Variants in DYNC2H1 observed in about 807,000 individuals in gnomAD.
The protein encoded by DYNC2H1 is dynein cytoplasmic 2 heavy chain 1, also known as cytoplasmic dynein 2 heavy chain 1.
A neutral mutation model predicts 570.0 loss-of-function variants in DYNC2H1; 410 were observed. The observed-to-expected ratio is 0.72, with a 90% confidence interval of 0.66 to 0.78. The LOEUF (loss-of-function observed/expected upper bound fraction) is 0.78, where lower values mean the gene tolerates loss of function less well. Among genes scored for constraint, DYNC2H1 ranks in the 30% least tolerant of loss-of-function variants. The pLI is 0.00. For missense variants in DYNC2H1, 4,865 were observed against 5,046.4 expected (o/e 0.96, Z 1.09); for synonymous variants, 1,688 against 1,677.6 (o/e 1.01, Z -0.15).
intron 11 of DYNC2H1, among the ~76,000 whole-genome samples, 173 bp downstream of exon 11, chr11:103,123,173 G>C (rs969541072): frequency 6.6e-6 from 1 of 151,992 alleles, no homozygotes; most frequent in Non-Finnish European, 1.5e-5. Flanking sequence ...TGGAAACTTT[G>C]ATGATTTAGT....
chr11:103,409,761 G>C (rs917668459), intron 84 of DYNC2H1: 2 of 153,688 alleles, frequency 1.3e-5, no homozygotes, highest in Non-Finnish European at 2.9e-5. Flanking sequence ...AGGTAGGTGT[G>C]CTCTTCAGCT....
chr11:103,371,011 C>T (rs1315083678), intron 83 of DYNC2H1, among the ~76,000 whole-genome samples: 1 of 151,994 alleles, frequency 6.6e-6, no homozygotes, highest in Middle Eastern at 3.2e-3. Context: ...AATATGGGAC[C>T]TTTCAGACAG....
chr11:103,175,730 G>A (rs964556839), intron 36 of DYNC2H1, among the ~76,000 whole-genome samples: 2 of 152,106 alleles, frequency 1.3e-5, no homozygotes, highest in African/African-American at 2.4e-5. Flanking sequence ...ACTGTGAGAC[G>A]ATATTGGTAT....
intron 17 of DYNC2H1, 83 bp downstream of exon 17, chr11:103,136,031 G>A: frequency 8.6e-7 from 1 of 1,163,896 alleles, no homozygotes. Context: ...TACATTAATA[G>A]TTTACCTTGT....
intron 81 of DYNC2H1, among the ~76,000 whole-genome samples, chr11:103,321,870 C>A (rs1232112466): frequency 1.3e-5 from 2 of 151,954 alleles, no homozygotes; most frequent in African/African-American, 4.8e-5. Context: ...GCAAATAATT[C>A]TTTATTAGAG....
intron 83 of DYNC2H1, among the ~76,000 whole-genome samples, chr11:103,398,136 T>C (rs1480818407): frequency 6.6e-6 from 1 of 152,172 alleles, no homozygotes; most frequent in Non-Finnish European, 1.5e-5. Flanking sequence ...CCACATATTA[T>C]TTACTTCCAG....
At chr11:103,384,514 T>A (rs1565547653) in intron 83 of DYNC2H1, among the ~76,000 whole-genome samples, 1 of 152,144 alleles carries the variant, frequency 6.6e-6, no homozygotes, top group Non-Finnish European at 1.5e-5. Flanking sequence ...TACTTTTTTT[T>A]ACTCATCTTC....
At chr11:103,273,734 A>G (rs1865798666) in intron 70 of DYNC2H1, among the ~76,000 whole-genome samples, 1 of 152,190 alleles carries the variant, frequency 6.6e-6, no homozygotes, top group Admixed American at 6.6e-5. Flanking sequence ...TAGAAAATTA[A>G]GGAAGAAGAT....
intron 77 of DYNC2H1, 102 bp downstream of exon 77, chr11:103,304,822 A>C: frequency 8.4e-7 from 1 of 1,196,380 alleles, no homozygotes; most frequent in Non-Finnish European, 1.1e-6. Flanking sequence ...TGATGATTTA[A>C]AAAGTAATAT....
chr11:103,156,576 C>A lies in DYNC2H1; in HGVS notation c.3933C>A (p.Ser1311=). ...GAGATAATAGATGCCTTCTCCAATC[C>A]TTAAAGGATTCTCCTTATTATAAAG... ...QVGDNRCLLQ[S]LKDSPYYKGF... is the part of the protein sequence containing the mutation. Residue 1311 remains serine, a synonymous_variant, in exon 26 of 89, where the codon TCC becomes TCA. Coordinates refer to ENST00000375735, the MANE Select transcript of DYNC2H1 (RefSeq NM_001377.3). The A allele has an allele frequency of 1.2e-6, 2 of 1,613,606 alleles. No homozygotes were observed. The highest frequency in any genetic ancestry group is 1.7e-6 in the Non-Finnish European group (2 of 1,179,690).
chr11:103,386,498 CTTTT>C lies in DYNC2H1; in HGVS notation c.12157-13160_12157-13157del, dbSNP rs528792784. The stretch of plus-strand genomic sequence containing the variant: ...TATTTTGGGCTATCTTATTGGCTTT[CTTTT>C]TTTTATTATTATTATACTTTAAGTT... On this transcript the variant is annotated intron_variant, in intron 83 of 88. Coordinates refer to ENST00000375735, the MANE Select transcript of DYNC2H1 (RefSeq NM_001377.3). Among the ~76,000 whole-genome samples, 7 of 151,586 alleles carry C rather than the reference CTTTT, an allele frequency of 4.6e-5. No individual in the cohort carries two copies. The South Asian group carries it at 1.5e-3, about 32-fold the overall frequency.
chr11:103,414,140 T>G (rs957033999), intron 84 of DYNC2H1, among the ~76,000 whole-genome samples: 4 of 152,100 alleles, frequency 2.6e-5, no homozygotes, highest in Non-Finnish European at 5.9e-5. Context: ...GATGGAAACA[T>G]AACCTTTATC....
rs778594215 is a variant in DYNC2H1 at position 103,192,901 on chromosome 11, C to G, written c.7708+637C>G. Among the ~76,000 whole-genome samples, 14 of 152,124 alleles carry G rather than the reference C, an allele frequency of 9.2e-5. No homozygotes were observed. The South Asian group carries it at 1.2e-3, about 14-fold the overall frequency. On this transcript the variant is annotated intron_variant, in intron 47 of 88. Transcript: ENST00000375735. Reference sequence around the variant, plus strand: ...TCCTAATAAAACTGCTGTCAGGCCACAAAAGGTGCTTATTTTTTCAGAGGA... The same window carrying G: ...TCCTAATAAAACTGCTGTCAGGCCAGAAAAGGTGCTTATTTTTTCAGAGGA...
At chr11:103,331,427 A>G (rs1938786059) in intron 82 of DYNC2H1, among the ~76,000 whole-genome samples, 1 of 152,162 alleles carries the variant, frequency 6.6e-6, no homozygotes, top group South Asian at 2.1e-4. Flanking sequence ...AGTAAAAGGA[A>G]TCTGTAGACC....
intron 82 of DYNC2H1, among the ~76,000 whole-genome samples, chr11:103,339,337 A>G (rs748294853): frequency 6.6e-6 from 1 of 152,170 alleles, no homozygotes; most frequent in Non-Finnish European, 1.5e-5. Context: ...GGCCACCACC[A>G]TGTGGCTGCT....
At chr11:103,453,896 T>C (rs1944697655) in intron 85 of DYNC2H1, among the ~76,000 whole-genome samples, 1 of 151,942 alleles carries the variant, frequency 6.6e-6, no homozygotes, top group Admixed American at 6.6e-5. Flanking sequence ...AAATATGCTA[T>C]GTATAATATT....
chr11:103,288,706 A>G lies in DYNC2H1; in HGVS notation c.11095+1101A>G, dbSNP rs1282780576. On this transcript the variant is annotated intron_variant, in intron 75 of 88. Transcript: ENST00000375735. ...TACTAAAAAAAAAAAAAAAAAAAAA[A>G]AAAAGAAAAGAAAGTAAAAGAAAGA... is the stretch of plus-strand genomic sequence containing the variant. Among the ~76,000 whole-genome samples the G allele has an allele frequency of 5.4e-5, 8 of 147,652 alleles. No homozygotes were observed. The East Asian group carries it at 1.0e-3, about 19-fold the overall frequency.
In DYNC2H1 at chr11:103,243,824, G is replaced by A; in HGVS notation, c.9918+33G>A. 6.8e-7 allele frequency: 1 copy of A among 1,470,620 alleles called. No individual in the cohort carries two copies. Among genetic ancestry groups the A allele is most frequent in the South Asian group, 1.3e-5 (1 of 79,792 alleles). 91.1% of individuals were successfully genotyped at this position (1,470,620 alleles called of 1,614,324 possible). On this transcript the variant is annotated intron_variant, in intron 64 of 88. Coordinates refer to ENST00000375735, the MANE Select transcript of DYNC2H1 (RefSeq NM_001377.3). The surrounding 1 kb of genome is among the most constrained non-coding windows in gnomAD (Gnocchi z 4.8). ...TTATTTATAATTTACATACCAATTA[G>A]GAATGACCTCTTATAGTGAAAAGAT...
intron 40 of DYNC2H1, among the ~76,000 whole-genome samples, chr11:103,184,307 C>T (rs675284): frequency 0.6 from 90,689 of 151,704 alleles, 27,405 homozygotes; most frequent in Admixed American, 0.69. Flanking sequence ...ACATACAGAT[C>T]CTAATGCATG....
Sources: allele counts gnomAD v4.1 joint callset (sites outside exome capture counted in the v4.1 genomes callset), GRCh38; gene constraint gnomAD v4.1.1; non-coding constraint Gnocchi (gnomAD v3.1); transcripts MANE v1.5; gene names NCBI Gene and HGNC (gene_info 2026-07-23, HGNC 2026-07-21).